The following PARP14 variants were observed in gnomAD, a reference collection of about 807,000 sequenced individuals.
PARP14 encodes poly(ADP-ribose) polymerase family member 14.
Under a neutral mutation model 154.2 loss-of-function variants are expected in PARP14, and 59 were observed. The observed-to-expected ratio is 0.38, with a 90% CI of 0.31 to 0.48. The LOEUF (loss-of-function observed/expected upper bound fraction) is 0.48, where lower values mean the gene tolerates loss of function less well. PARP14 is among the 20% of genes least tolerant of loss of function. The probability of loss-of-function intolerance (pLI) is 0.98; values close to 1 mark genes in which losing one functional copy is unlikely to be tolerated. For synonymous variants in PARP14, 720 were observed against 780.5 expected, an observed-to-expected ratio of 0.92 and a Z score of 1.29; for missense variants, 1,734 against 2,131.6, an observed-to-expected ratio of 0.81 and a Z score of 3.67.
Position 122,685,415 on chromosome 3 carries a change from T to C in PARP14, c.321+97T>C, listed in dbSNP as rs915176695. 8 of 1,126,118 alleles carry C rather than the reference T, an allele frequency of 7.1e-6. No individual in the cohort carries two copies. In the African/African-American group the frequency reaches 1.2e-4, roughly 17 times the overall value. The allele number at this position is 1,126,118 out of a possible 1,614,324, so 69.8% of individuals were successfully genotyped here. On this transcript the variant is annotated intron_variant, in intron 2 of 16. Transcript: ENST00000474629. The stretch of plus-strand genomic sequence containing the variant: ...AGAAAATATAGTGGAAAGAAAAGCA[T>C]GAAGCAAACTGCAGCGAGAAAAGCA...
intron 15 of PARP14, chr3:122,722,586 C>T (rs1933188381): frequency 6.6e-6 from 1 of 152,018 alleles, no homozygotes; most frequent in Non-Finnish European, 1.5e-5. Context: ...GTGTATGAAC[C>T]AGATAAAAGC....
chr3:122,722,306 T>C (rs935760340), intron 15 of PARP14: 4 of 152,194 alleles, frequency 2.6e-5, no homozygotes, highest in African/African-American at 9.6e-5. Flanking sequence ...ATGATTCAAG[T>C]ATGCAGCTCT....
At position 122,700,858 on chromosome 3, in the gene PARP14, G is replaced by A; in HGVS notation, c.2304G>A (p.Leu768=). 1.2e-6 allele frequency: 2 copies of A among 1,614,060 alleles called. No individual in the cohort carries two copies. Among genetic ancestry groups the A allele is most frequent in the African/African-American group, 1.3e-5 (1 of 75,068 alleles). ...TTTATCAAAGTGAGATCAAACGGTT[G>A]TTTGGTTGTTACATTGAACTACAGG... ...ARFYQSEIKR[L]FGCYIELQEN... The change falls in exon 6 of 17, where the codon TTG becomes TTA. Residue 768 remains leucine, a synonymous_variant. Coordinates refer to ENST00000474629, the MANE Select transcript of PARP14 (RefSeq NM_017554.3).
intron 6 of PARP14, among the ~76,000 whole-genome samples, chr3:122,703,356 G>C (rs146761981): frequency 6.6e-6 from 1 of 152,128 alleles, no homozygotes; most frequent in Non-Finnish European, 1.5e-5. Flanking sequence ...AGCTCTCTCA[G>C]ATCAAATTAA....
In PARP14 at chr3:122,700,658, G is replaced by T. The variant is rs1313187403; in HGVS notation, c.2104G>T (p.Val702Leu). 1 of 1,607,738 alleles carries T rather than the reference G, an allele frequency of 6.2e-7. No individual in the cohort carries two copies. Among genetic ancestry groups the T allele is most frequent in the Admixed American group, 1.7e-5 (1 of 58,988 alleles). Residue 702 changes from valine to leucine, a missense_variant, in exon 6 of 17, where the codon GTG becomes TTG. Transcript: ENST00000474629. ...CTGGCCAAAGATAAAGAAGGTAAAT[G>T]TGCAGGTAAGTTTCAATCCTGAGAA... ...LFWPKIKKVN[V>L]QVSFNPENKQ...
At chr3:122,687,835 T>C (rs1019330257) in intron 3 of PARP14, among the ~76,000 whole-genome samples, 7 of 152,234 alleles carry the variant, frequency 4.6e-5, no homozygotes, top group African/African-American at 1.7e-4. Flanking sequence ...GTGGTACATA[T>C]ACCTAAACCT....
At chr3:122,709,651 T>C (rs1184991120) in intron 9 of PARP14, among the ~76,000 whole-genome samples, 1 of 152,212 alleles carries the variant, frequency 6.6e-6, no homozygotes, top group Non-Finnish European at 1.5e-5. Flanking sequence ...TAATTTGCAT[T>C]CCGACTAGCA....
intron 3 of PARP14, among the ~76,000 whole-genome samples, chr3:122,688,029 T>C (rs894350352): frequency 6.6e-4 from 101 of 152,334 alleles, no homozygotes; most frequent in African/African-American, 2.2e-3. Context: ...CTGTTAAAAC[T>C]GTAGAATTTA....
chr3:122,728,643 C>A lies in PARP14; in HGVS notation c.*46C>A. The A allele has an allele frequency of 6.9e-7, 1 of 1,445,430 alleles. No individual in the cohort carries two copies. The highest frequency in any genetic ancestry group is 9.5e-7 in the Non-Finnish European group (1 of 1,056,090). The allele number at this position is 1,445,430 out of a possible 1,614,324, so 89.5% of individuals were successfully genotyped here. On this transcript the variant is annotated 3_prime_UTR_variant, in exon 17 of 17. Coordinates refer to ENST00000474629, the MANE Select transcript of PARP14 (RefSeq NM_017554.3). ...AAAATTATTCTCCATTTGTACATAT[C>A]TAGTTGTAAAACAAGTTTTAGCTTT...
In PARP14 at chr3:122,717,008, C is replaced by A. The variant is rs1237015651; in HGVS notation, c.4001-1063C>A. Among the ~76,000 whole-genome samples, 3 of 152,198 alleles carry A rather than the reference C, an allele frequency of 2.0e-5. No homozygotes were observed. In the East Asian group the frequency reaches 5.8e-4, roughly 29 times the overall value. On this transcript the variant is annotated intron_variant, in intron 12 of 16. Transcript: ENST00000474629. ...GTGAATGAATGTAACTGAATGTGTC[C>A]ATATAAACTCTTCAAAATACCATGG...
intron 15 of PARP14, chr3:122,721,285 G>A (rs528516310): frequency 1.1e-5 from 2 of 181,656 alleles, no homozygotes; most frequent in Non-Finnish European, 2.3e-5. Context: ...ACTCCCAGTG[G>A]CCTAAAAAAA....
In PARP14 at chr3:122,728,573, G is replaced by A; in HGVS notation, c.5382G>A (p.Glu1794=). ...VAFYDYQAYP[E]YLITFRK is the part of the protein sequence containing the mutation. ...TTTATGACTACCAAGCATACCCAGAGTACCTTATTACGTTTAGAAAATAAC... is the reference window on the plus strand; with the variant it reads ...TTTATGACTACCAAGCATACCCAGAATACCTTATTACGTTTAGAAAATAAC... The change falls in exon 17 of 17, where the codon GAG becomes GAA. Residue 1794 remains glutamate, a synonymous_variant. Transcript: ENST00000474629. 1 of 1,612,864 alleles carries A rather than the reference G, an allele frequency of 6.2e-7. No homozygotes were observed.
Position 122,718,339 on chromosome 3 carries a change from A to G in PARP14, c.4208-20A>G, listed in dbSNP as rs1416436358. On this transcript the variant is annotated intron_variant, in intron 13 of 16. Transcript: ENST00000474629. ...CGTTGATGTCACATGTGAAATACCT[A>G]ATCTTCCTTTTCTTTTTAGCATTTT... 1 of 1,610,974 alleles carries G rather than the reference A, an allele frequency of 6.2e-7. No homozygotes were observed.
rs372989745 is a variant in PARP14, at chr3:122,727,935, G to A, written c.5065G>A (p.Val1689Met). The A allele has an allele frequency of 1.1e-5, 18 of 1,613,624 alleles. No homozygotes were observed. The highest frequency in any genetic ancestry group is 1.2e-5 in the Non-Finnish European group (14 of 1,179,732). Reference sequence around the variant, plus strand: ...CTTCCATGGGACAGATGCCGGCTCCGTGCCACACGTCAATCGAAATGGCTT... The same window carrying A: ...CTTCCATGGGACAGATGCCGGCTCCATGCCACACGTCAATCGAAATGGCTT... ...QLFHGTDAGS[V>M]PHVNRNGFNR... Residue 1689 changes from valine (V) to methionine (M), a missense_variant, in exon 16 of 17, where the codon GTG becomes ATG. This residue lies in a region of PARP14 where 88 missense variants were observed against 155.6 expected (regional missense o/e 0.57). Coordinates refer to ENST00000474629, the MANE Select transcript of PARP14 (RefSeq NM_017554.3).
chr3:122,728,164 T>C, intron 16 of PARP14, 144 bp from the exon 17 acceptor site: 1 of 927,088 alleles, frequency 1.1e-6, no homozygotes, highest in African/African-American at 1.7e-5. Flanking sequence ...CCCTTCTAGG[T>C]AGAAAAATTG....
chr3:122,704,449 G>A, intron 7 of PARP14, 78 bp from the exon 8 acceptor site: 4 of 842,718 alleles, frequency 4.7e-6, no homozygotes, highest in African/African-American at 1.7e-5. Flanking sequence ...AGTTCACAAA[G>A]TTGCTAAATT....
At chr3:122,683,203 A>G (rs530704149) in intron 1 of PARP14, 1 of 559,650 alleles carries the variant, frequency 1.8e-6, no homozygotes. Flanking sequence ...AAGGGTCAGG[A>G]ATTTGCTAAC....
intron 12 of PARP14, 32 bp from the exon 13 acceptor site, chr3:122,718,039 T>A (rs1237473397): frequency 1.3e-6 from 2 of 1,584,172 alleles, no homozygotes; most frequent in African/African-American, 2.7e-5. Context: ...GGCTTTTTTG[T>A]CCTTCAGCAA....
At chr3:122,704,486 T>G in intron 7 of PARP14, 41 bp from the exon 8 acceptor site, 2 of 1,291,416 alleles carry the variant, frequency 1.5e-6, no homozygotes, top group Non-Finnish European at 2.2e-6. Context: ...TAACTCCCAT[T>G]TCTAGACAAG....
Sources: allele counts gnomAD v4.1 joint callset (sites outside exome capture counted in the v4.1 genomes callset), GRCh38; gene constraint gnomAD v4.1.1; regional missense constraint gnomAD v4.1.1; transcripts MANE v1.5; gene names NCBI Gene and HGNC (gene_info 2026-07-23, HGNC 2026-07-21).